GAS2: variants seen among roughly 807,000 people sequenced by gnomAD.
GAS2 encodes the protein growth arrest specific 2.
GAS2 carries 20 observed loss-of-function variants against 37.5 expected under a neutral mutation model. The ratio of observed to expected loss-of-function variants is 0.53; its 90% CI spans 0.37 to 0.77. GAS2 has a LOEUF of 0.77. Among genes scored for constraint, GAS2 ranks in the 30% least tolerant of loss-of-function variants. GAS2 has a pLI of 0.00. For synonymous variants in GAS2, 144 were observed against 132.2 expected, an observed-to-expected ratio of 1.09 and a Z score of -0.61; for missense variants, 336 against 373.4, an observed-to-expected ratio of 0.90 and a Z score of 0.82.
At chr11:22,806,580 G>T (rs1438442880) in intron 7 of GAS2, among the ~76,000 whole-genome samples, 2 of 152,058 alleles carry the variant, frequency 1.3e-5, no homozygotes, top group Non-Finnish European at 2.9e-5. Context: ...AATGTGTAAA[G>T]GTTCCCTTTT....
At chr11:22,644,332 G>A (rs1848663785) in intron 1 of GAS2, among the ~76,000 whole-genome samples, 2 of 151,928 alleles carry the variant, frequency 1.3e-5, no homozygotes, top group South Asian at 2.1e-4. Context: ...CCAAATAAGT[G>A]ATTTTTTTTC....
chr11:22,768,788 T>C (rs1378459365), intron 7 of GAS2, among the ~76,000 whole-genome samples: 3 of 152,198 alleles, frequency 2.0e-5, no homozygotes, highest in Non-Finnish European at 4.4e-5. Flanking sequence ...TATGGGGGAA[T>C]GCAGAGAAAA....
chr11:22,723,431 T>G (rs1565110171), intron 3 of GAS2, among the ~76,000 whole-genome samples: 1 of 151,972 alleles, frequency 6.6e-6, no homozygotes, highest in Non-Finnish European at 1.5e-5. Flanking sequence ...GCTCAGTGGT[T>G]GTCCTTGTAA....
At chr11:22,773,973 G>C (rs1267972008) in intron 7 of GAS2, among the ~76,000 whole-genome samples, 1 of 152,036 alleles carries the variant, frequency 6.6e-6, no homozygotes, top group Non-Finnish European at 1.5e-5. Context: ...ATACATCAGA[G>C]CTCCGTTTTA....
intron 7 of GAS2, among the ~76,000 whole-genome samples, chr11:22,796,115 G>A (rs557689753): frequency 5.7e-4 from 87 of 152,196 alleles, no homozygotes; most frequent in African/African-American, 2.0e-3. Flanking sequence ...AGACATTTCT[G>A]TTTCTGCAGA....
At chr11:22,707,509 T>G (rs1851185453) in intron 3 of GAS2, among the ~76,000 whole-genome samples, 2 of 152,214 alleles carry the variant, frequency 1.3e-5, no homozygotes, top group Admixed American at 1.3e-4. Flanking sequence ...GACATACCAT[T>G]GTTTAGACAG....
chr11:22,796,723 T>G (rs1424835050), intron 7 of GAS2, among the ~76,000 whole-genome samples: 4 of 152,216 alleles, frequency 2.6e-5, no homozygotes, highest in Non-Finnish European at 4.4e-5. Context: ...ACCATTGTTG[T>G]GTATCATCAT....
chr11:22,772,708 C>T (rs1855044761), intron 7 of GAS2, among the ~76,000 whole-genome samples: 2 of 152,126 alleles, frequency 1.3e-5, no homozygotes, highest in Non-Finnish European at 2.9e-5. Context: ...CTTTTCTCTG[C>T]CTTCCGTCTT....
intron 4 of GAS2, among the ~76,000 whole-genome samples, chr11:22,727,103 A>G (rs1852253277): frequency 6.6e-6 from 1 of 152,066 alleles, no homozygotes; most frequent in Non-Finnish European, 1.5e-5. Context: ...GGAAGAAAAC[A>G]TACATTGGAG....
intron 3 of GAS2, among the ~76,000 whole-genome samples, chr11:22,713,774 T>G (rs921675347): frequency 6.6e-6 from 1 of 152,108 alleles, no homozygotes; most frequent in Non-Finnish European, 1.5e-5. Context: ...ACATGAGAGA[T>G]AAAGTCTTTT....
intron 3 of GAS2, among the ~76,000 whole-genome samples, chr11:22,687,698 GCT>G (rs1850032286): frequency 6.6e-6 from 1 of 152,140 alleles, no homozygotes; most frequent in African/African-American, 2.4e-5. Flanking sequence ...TTTTTCTTCT[GCT>G]CTCATTTCCA....
chr11:22,684,545 G>A (rs1377055592), intron 2 of GAS2, among the ~76,000 whole-genome samples: 1 of 152,120 alleles, frequency 6.6e-6, no homozygotes, highest in East Asian at 1.9e-4. Context: ...TCTGAAACTT[G>A]GATTAATAGG....
At chr11:22,683,665 C>T (rs1399022412) in intron 2 of GAS2, among the ~76,000 whole-genome samples, 1 of 144,576 alleles carries the variant, frequency 6.9e-6, no homozygotes, top group African/African-American at 2.5e-5. Flanking sequence ...AAAATAATTT[C>T]TTTTTTTTTT....
chr11:22,753,527 C>T (rs530875243), intron 6 of GAS2, among the ~76,000 whole-genome samples: 45 of 152,194 alleles, frequency 3.0e-4, no homozygotes, highest in Admixed American at 2.7e-3. Context: ...GTGGAGGAAC[C>T]AGTTGAACAT....
At chr11:22,733,823 G>A (rs1224080471) in intron 4 of GAS2, among the ~76,000 whole-genome samples, 2 of 151,684 alleles carry the variant, frequency 1.3e-5, no homozygotes, top group African/African-American at 4.8e-5. Flanking sequence ...AACCATTTGT[G>A]TAATAATCAC....
In GAS2 at chr11:22,800,177, G is replaced by T. The variant is rs1856600799; in HGVS notation, c.724-11621G>T. On this transcript the variant is annotated intron_variant, in intron 7 of 7. Coordinates refer to ENST00000454584, the MANE Select transcript of GAS2 (RefSeq NM_001143830.3). Reference sequence around the variant, plus strand: ...AATGTGGGAAAAGAAAATAGTAGCTGGGCTATAAAGTGCTTTGCGAGCCAG... The same window carrying T: ...AATGTGGGAAAAGAAAATAGTAGCTTGGCTATAAAGTGCTTTGCGAGCCAG... 3.9e-5 allele frequency among the ~76,000 whole-genome samples: 6 copies of T among 152,010 alleles called. No homozygotes were observed. In the South Asian group the frequency reaches 1.2e-3, roughly 31 times the overall value.
In GAS2 at chr11:22,755,853, G is replaced by A. The variant is rs764047229; in HGVS notation, c.623G>A (p.Arg208Gln). ...TGNLLDDAVK[R>Q]ISEDPPCKCP... is the part of the protein sequence containing the mutation. ...CCTGCTCTTCTATTTCAGGTGAAACGAATTTCTGAAGATCCTCCTTGCAAA... is the reference window on the plus strand; with the variant it reads ...CCTGCTCTTCTATTTCAGGTGAAACAAATTTCTGAAGATCCTCCTTGCAAA... The change falls in exon 7 of 8, where the codon CGA (arginine) becomes CAA (glutamine). Residue 208 changes from arginine to glutamine, a missense_variant. Physicochemically the swap from Arg to Gln is conservative, Grantham distance 43 (BLOSUM62 1). Coordinates refer to ENST00000454584, the MANE Select transcript of GAS2 (RefSeq NM_001143830.3). 1.9e-6 allele frequency: 3 copies of A among 1,612,162 alleles called. No individual in the cohort carries two copies. The highest frequency in any genetic ancestry group is 2.2e-5 in the East Asian group (1 of 44,852).
At chr11:22,808,095 A>G (rs1368849062) in intron 7 of GAS2, among the ~76,000 whole-genome samples, 1 of 152,228 alleles carries the variant, frequency 6.6e-6, no homozygotes, top group Non-Finnish European at 1.5e-5. Context: ...AGATAATCTC[A>G]TGAAAAACCT....
chr11:22,795,827 G>A (rs1024199178), intron 7 of GAS2, among the ~76,000 whole-genome samples: 1 of 152,070 alleles, frequency 6.6e-6, no homozygotes, highest in African/African-American at 2.4e-5. Flanking sequence ...ACACTGGGTG[G>A]CAAAAGTGAA....
Sources: gnomAD v4.1 joint callset for allele counts (sites outside exome capture counted in the v4.1 genomes callset) on GRCh38, gnomAD v4.1.1 for gene constraint, MANE v1.5 for transcripts, NCBI Gene and HGNC (gene_info 2026-07-23, HGNC 2026-07-21) for gene names.